Variants in PPARGC1A observed in about 807,000 individuals in gnomAD.
PPARGC1A encodes PPARG coactivator 1 alpha, also known as peroxisome proliferator-activated receptor gamma coactivator 1-alpha.
In PPARGC1A, 25 loss-of-function variants were observed where a neutral mutation model predicts 88.7. That is an observed-to-expected ratio of 0.28 (90% CI 0.21 to 0.39). The LOEUF (loss-of-function observed/expected upper bound fraction) is 0.39. Among genes scored for constraint, PPARGC1A ranks in the 10% least tolerant of loss-of-function variants. The pLI is 1.00. For synonymous variants in PPARGC1A, 363 were observed against 355.6 expected (o/e 1.02, Z -0.24); for missense variants, 880 against 968.7 (o/e 0.91, Z 1.22).
the PPARGC1A span, among the ~76,000 whole-genome samples, chr4:24,252,725 C>A: frequency 6.6e-6 from 1 of 152,188 alleles, no homozygotes; most frequent in African/African-American, 2.4e-5. Flanking sequence ...CCTCAGATTC[C>A]CTGGGCTTCC....
At chr4:23,940,387 G>A in the PPARGC1A span, among the ~76,000 whole-genome samples, 1 of 152,178 alleles carries the variant, frequency 6.6e-6, no homozygotes, top group Non-Finnish European at 1.5e-5. Context: ...CCAGAAGGAG[G>A]TGACATTTCA....
At chr4:24,413,349 C>T in the PPARGC1A span, among the ~76,000 whole-genome samples, 7 of 150,158 alleles carry the variant, frequency 4.7e-5, no homozygotes, top group South Asian at 2.1e-4. Flanking sequence ...CAGCCAAACA[C>T]GGGGAAGGCA....
At chr4:24,086,298 G>A in the PPARGC1A span, among the ~76,000 whole-genome samples, 1 of 152,080 alleles carries the variant, frequency 6.6e-6, no homozygotes, top group Non-Finnish European at 1.5e-5. Context: ...GCTCTGCAAG[G>A]TTTTTCTCCT....
At chr4:24,091,672 A>T in the PPARGC1A span, 1 of 982,062 alleles carries the variant, frequency 1.0e-6, no homozygotes, top group African/African-American at 1.7e-5. Flanking sequence ...AGGATGAGGG[A>T]TCGGGCAGGA....
the PPARGC1A span, among the ~76,000 whole-genome samples, chr4:24,040,880 G>A: frequency 2.0e-5 from 3 of 152,088 alleles, no homozygotes; most frequent in Non-Finnish European, 4.4e-5. Context: ...ATTTTAAGCT[G>A]CTGATTCTCT....
the PPARGC1A span, among the ~76,000 whole-genome samples, chr4:24,231,420 C>G: frequency 6.6e-5 from 10 of 152,180 alleles, no homozygotes; most frequent in African/African-American, 2.2e-4. Flanking sequence ...ATGTAAGGTA[C>G]TCTCCAGTCC....
chr4:23,887,353 G>C (rs1717089132), intron 1 of PPARGC1A, among the ~76,000 whole-genome samples: 1 of 152,178 alleles, frequency 6.6e-6, no homozygotes, highest in African/African-American at 2.4e-5. Context: ...AAGTGTTCCT[G>C]TTATTAATTT....
At chr4:23,826,390 G>A (rs1305829116) in intron 5 of PPARGC1A, among the ~76,000 whole-genome samples, 1 of 152,106 alleles carries the variant, frequency 6.6e-6, no homozygotes, top group Non-Finnish European at 1.5e-5. Flanking sequence ...CATGTAGATT[G>A]TGGTATTTGG....
At chr4:24,250,185 A>T in the PPARGC1A span, among the ~76,000 whole-genome samples, 1 of 152,206 alleles carries the variant, frequency 6.6e-6, no homozygotes, top group African/African-American at 2.4e-5. Context: ...GGCACGCCAC[A>T]CCCAGGCTCG....
chr4:24,190,935 G>C, the PPARGC1A span, among the ~76,000 whole-genome samples: 10 of 108,018 alleles, frequency 9.3e-5, no homozygotes, highest in South Asian at 4.2e-4. Context: ...GAGAAAGAAG[G>C]CTCCTGCAGG....
At chr4:24,390,688 A>G in the PPARGC1A span, among the ~76,000 whole-genome samples, 36 of 152,030 alleles carry the variant, frequency 2.4e-4, no homozygotes, top group Middle Eastern at 6.8e-3. Flanking sequence ...TTTATATTCA[A>G]TATTATATCG....
chr4:24,352,167 C>T, the PPARGC1A span, among the ~76,000 whole-genome samples: 3 of 151,844 alleles, frequency 2.0e-5, no homozygotes, highest in Admixed American at 6.6e-5. Flanking sequence ...AGCCTGGGAT[C>T]GGAGGGACAG....
intron 2 of PPARGC1A, among the ~76,000 whole-genome samples, chr4:23,857,385 C>G (rs1388886237): frequency 7.0e-6 from 1 of 142,354 alleles, no homozygotes; most frequent in Non-Finnish European, 1.5e-5. Context: ...CACACACACA[C>G]ACGCACGTAC....
At chr4:24,260,425 A>G in the PPARGC1A span, among the ~76,000 whole-genome samples, 1 of 152,254 alleles carries the variant, frequency 6.6e-6, no homozygotes, top group African/African-American at 2.4e-5. Context: ...TTACTTGCAC[A>G]TTAATAAAAC....
the PPARGC1A span, among the ~76,000 whole-genome samples, chr4:24,078,298 T>C: frequency 2.0e-5 from 3 of 152,068 alleles, no homozygotes; most frequent in African/African-American, 7.2e-5. Context: ...GAGGCCTTTT[T>C]TGGATTGGTC....
the PPARGC1A span, among the ~76,000 whole-genome samples, chr4:24,447,692 C>T: frequency 3.3e-5 from 5 of 152,210 alleles, no homozygotes; most frequent in Admixed American, 1.3e-4. Flanking sequence ...ACAGGGACCA[C>T]GTCCCTGGGC....
At chr4:24,242,832 G>C in the PPARGC1A span, among the ~76,000 whole-genome samples, 1 of 151,940 alleles carries the variant, frequency 6.6e-6, no homozygotes, top group Non-Finnish European at 1.5e-5. Flanking sequence ...TTCCTGACGG[G>C]GATGCCAGCC....
At chr4:24,163,402 T>A in the PPARGC1A span, among the ~76,000 whole-genome samples, 1 of 151,854 alleles carries the variant, frequency 6.6e-6, no homozygotes, top group Non-Finnish European at 1.5e-5. Flanking sequence ...CCTGTCGGGG[T>A]TCACCAACTA....
chr4:24,359,744 G>A, the PPARGC1A span, among the ~76,000 whole-genome samples: 1 of 152,132 alleles, frequency 6.6e-6, no homozygotes, highest in Non-Finnish European at 1.5e-5. Context: ...AAAATTGGAA[G>A]GATTCTTCTA....
Sources: allele counts gnomAD v4.1 joint callset (sites outside exome capture counted in the v4.1 genomes callset), GRCh38; gene constraint gnomAD v4.1.1; transcripts MANE v1.5; gene names NCBI Gene and HGNC (gene_info 2026-07-23, HGNC 2026-07-21).